ARHGEF3: variants seen among roughly 807,000 people sequenced by gnomAD.
The protein encoded by ARHGEF3 is 59.8 kDA protein.
ARHGEF3 carries 28 observed loss-of-function variants against 63.2 expected under a neutral mutation model. The ratio of observed to expected loss-of-function variants is 0.44; its 90% CI spans 0.33 to 0.61. The LOEUF (loss-of-function observed/expected upper bound fraction) is 0.61. ARHGEF3 is among the 20% of genes least tolerant of loss of function. The pLI is 0.03. For missense variants in ARHGEF3, 533 were observed against 659.3 expected, an observed-to-expected ratio of 0.81 and a Z score of 2.10; for synonymous variants, 266 against 254.2, an observed-to-expected ratio of 1.05 and a Z score of -0.44.
intron 2 of ARHGEF3, among the ~76,000 whole-genome samples, chr3:57,002,542 T>C (rs1041158237): frequency 1.2e-5 from 1 of 86,000 alleles, no homozygotes; most frequent in Non-Finnish European, 2.7e-5. Context: ...ATATGTAATA[T>C]ATGTTATGTT....
intron 1 of ARHGEF3, among the ~76,000 whole-genome samples, chr3:56,795,184 G>A (rs777305759): frequency 6.6e-6 from 1 of 152,140 alleles, no homozygotes; most frequent in African/African-American, 2.4e-5. Context: ...GATGTGGAAC[G>A]AGTGGATACA....
chr3:56,738,364 G>A (rs751466598), intron 7 of ARHGEF3, among the ~76,000 whole-genome samples: 6 of 151,344 alleles, frequency 4.0e-5, no homozygotes, highest in Admixed American at 1.3e-4. Flanking sequence ...GTAGAGACGG[G>A]TTTCACCATG....
intron 4 of ARHGEF3, among the ~76,000 whole-genome samples, chr3:56,821,262 A>C (rs1262663353): frequency 6.6e-6 from 1 of 152,120 alleles, no homozygotes; most frequent in Non-Finnish European, 1.5e-5. Context: ...TGCTTAAAAT[A>C]CTCCTAAAAA....
chr3:57,031,339 A>G (rs1703724574), intron 2 of ARHGEF3, among the ~76,000 whole-genome samples: 1 of 152,198 alleles, frequency 6.6e-6, no homozygotes, highest in South Asian at 2.1e-4. Flanking sequence ...CCTGACAGAA[A>G]AGTCTTTCTA....
chr3:56,969,816 TAAAC>T (rs1208976917), intron 2 of ARHGEF3, among the ~76,000 whole-genome samples: 1 of 147,882 alleles, frequency 6.8e-6, no homozygotes, highest in East Asian at 2.0e-4. Flanking sequence ...AACTAATGGA[TAAAC>T]AAAATGTGAT....
intron 4 of ARHGEF3, among the ~76,000 whole-genome samples, chr3:56,844,105 T>A (rs542755181): frequency 6.6e-6 from 1 of 152,238 alleles, no homozygotes; most frequent in Non-Finnish European, 1.5e-5. Context: ...CTTTAGTGCA[T>A]GACAAATTAT....
At chr3:57,005,530 AC>A (rs1486264934) in intron 2 of ARHGEF3, among the ~76,000 whole-genome samples, 1 of 152,298 alleles carries the variant, frequency 6.6e-6, no homozygotes, top group East Asian at 1.9e-4. Flanking sequence ...GGCAATCTCA[AC>A]ATGAATCACA....
Position 56,949,487 on chromosome 3 carries a change from T to C in ARHGEF3, c.129+9336A>G, listed in dbSNP as rs1213891773. On this transcript the variant is annotated intron_variant, in intron 3 of 12. Transcript: ENST00000338458. ...CACAAGCATTCTTATACACCAATAA[T>C]AGACAAACAGAGAGCCAAATCATGA... Among the ~76,000 whole-genome samples the C allele has an allele frequency of 2.0e-4, 31 of 151,818 alleles. 1 individual carries two copies. The highest frequency in any genetic ancestry group is 1.0e-3 in the South Asian group (5 of 4,810).
chr3:56,866,669 A>G (rs1165078324), intron 4 of ARHGEF3, among the ~76,000 whole-genome samples: 1 of 152,236 alleles, frequency 6.6e-6, no homozygotes, highest in East Asian at 1.9e-4. Flanking sequence ...TATATCATCT[A>G]GAATATACTC....
Position 56,801,768 on chromosome 3 carries a change from TG to T in ARHGEF3, c.30del (p.Thr11ArgfsTer38). The T allele has an allele frequency of 6.4e-7, 1 of 1,568,858 alleles. No individual in the cohort carries two copies. Among genetic ancestry groups the T allele is most frequent in the Non-Finnish European group, 8.7e-7 (1 of 1,155,562 alleles). MVAKDYPFY[L>X]TVKRANCSLE... The stretch of plus-strand genomic sequence containing the variant: ...AGGCTGCAGTTCGCTCTCTTGACCG[TG>T]AGGTAGAAGGGGTAATCCTTGGCCA... On this transcript the variant is annotated frameshift_variant, in exon 1 of 10. Coordinates refer to ENST00000296315, the MANE Select transcript of ARHGEF3 (RefSeq NM_019555.3). LOFTEE classifies it high-confidence loss of function.
At chr3:56,768,541 GATA>G (rs1403695192) in intron 2 of ARHGEF3, among the ~76,000 whole-genome samples, 1 of 151,430 alleles carries the variant, frequency 6.6e-6, no homozygotes, top group Non-Finnish European at 1.5e-5. Context: ...AGCCCATAAA[GATA>G]ATATTTTCCA....
At chr3:56,991,356 T>TA (rs1260375239) in intron 2 of ARHGEF3, among the ~76,000 whole-genome samples, 1 of 151,716 alleles carries the variant, frequency 6.6e-6, no homozygotes, top group Non-Finnish European at 1.5e-5. Context: ...AGAATGCTGT[T>TA]AAAAAAAGAA....
At chr3:56,968,813 T>C (rs1334083946) in intron 2 of ARHGEF3, among the ~76,000 whole-genome samples, 1 of 152,186 alleles carries the variant, frequency 6.6e-6, no homozygotes, top group Non-Finnish European at 1.5e-5. Flanking sequence ...TTATGACACA[T>C]CTTCATTGGC....
chr3:56,928,140 G>C (rs945035034), intron 3 of ARHGEF3, among the ~76,000 whole-genome samples: 1 of 152,146 alleles, frequency 6.6e-6, no homozygotes. Flanking sequence ...CACCCTTTAA[G>C]AAGGGCACGT....
At chr3:56,759,429 G>A (rs539405544) in intron 2 of ARHGEF3, among the ~76,000 whole-genome samples, 15 of 152,046 alleles carry the variant, frequency 9.9e-5, no homozygotes, top group African/African-American at 1.2e-4. Context: ...TTGGCCTCCC[G>A]AAGTGCTGGG....
intron 4 of ARHGEF3, among the ~76,000 whole-genome samples, chr3:56,849,790 T>C (rs1029194890): frequency 2.0e-5 from 3 of 152,212 alleles, no homozygotes; most frequent in Non-Finnish European, 2.9e-5. Flanking sequence ...TCATCTAGGT[T>C]GGCTGTTTCT....
chr3:56,811,888 C>A (rs1216228405), intron 4 of ARHGEF3, among the ~76,000 whole-genome samples: 4 of 152,154 alleles, frequency 2.6e-5, no homozygotes, highest in Non-Finnish European at 4.4e-5. Context: ...GACCCCCAGG[C>A]AAGGGTAATC....
chr3:56,895,224 C>T (rs1007439850), intron 3 of ARHGEF3, among the ~76,000 whole-genome samples: 2 of 152,152 alleles, frequency 1.3e-5, no homozygotes, highest in African/African-American at 4.8e-5. Flanking sequence ...CTGGCTTTCA[C>T]GTTATTGTTC....
upstream of ARHGEF3, among the ~76,000 whole-genome samples, chr3:56,802,720 C>T (rs2037719587): frequency 1.3e-5 from 2 of 152,160 alleles, no homozygotes; most frequent in Admixed American, 6.5e-5. Flanking sequence ...CCTGGCACTA[C>T]CACACCTTTC....
Sources: gnomAD v4.1 joint callset for allele counts (sites outside exome capture counted in the v4.1 genomes callset) on GRCh38, gnomAD v4.1.1 for gene constraint, MANE v1.5 for transcripts, NCBI Gene and HGNC (gene_info 2026-07-23, HGNC 2026-07-21) for gene names.